CARD10: variants seen among roughly 807,000 people sequenced by gnomAD.
CARD10 encodes caspase recruitment domain family member 10.
A neutral mutation model predicts 114.6 loss-of-function variants in CARD10; 49 were observed. The observed-to-expected ratio is 0.43, with a 90% CI of 0.34 to 0.54. The LOEUF (loss-of-function observed/expected upper bound fraction) is 0.54. Among genes scored for constraint, CARD10 ranks in the 20% least tolerant of loss-of-function variants. CARD10 has a pLI of 0.03. For missense variants in CARD10, 1,206 were observed against 1,397.2 expected, an observed-to-expected ratio of 0.86 and a Z score of 2.18; for synonymous variants, 602 against 593.2, an observed-to-expected ratio of 1.01 and a Z score of -0.21.
intron 4 of CARD10, chr22:37,508,964 T>C (rs1336609337): frequency 1.3e-6 from 2 of 1,543,664 alleles, no homozygotes; most frequent in South Asian, 1.2e-5. Flanking sequence ...GGATTATTCC[T>C]AAACAAGCAC....
chr22:37,504,662 G>A lies in CARD10; in HGVS notation c.1491C>T (p.Val497=), dbSNP rs1323343803. The A allele has an allele frequency of 1.3e-6, 2 of 1,551,626 alleles. No individual in the cohort carries two copies. The highest frequency in any genetic ancestry group is 1.4e-5 in the African/African-American group (1 of 72,114). The change falls in exon 8 of 20, where the codon GTC becomes GTT. Residue 497 remains valine (V), a synonymous_variant. Transcript: ENST00000251973. ...AGTTGTGAGGCTCAGGTCCCCCCATGACAGCTGCCTCCCCAGTTGCTTCTG... is the reference window on the plus strand; with the variant it reads ...AGTTGTGAGGCTCAGGTCCCCCCATAACAGCTGCCTCCCCAGTTGCTTCTG... ...GGPEATGEAA[V]MGGPEPHNSE...
intron 3 of CARD10, among the ~76,000 whole-genome samples, chr22:37,513,846 T>C (rs1437853109): frequency 6.6e-6 from 1 of 151,994 alleles, no homozygotes; most frequent in Non-Finnish European, 1.5e-5. Flanking sequence ...ATGCCTGTAA[T>C]CCAGCACTTT....
At chr22:37,507,391 G>A (rs1004209490) in intron 6 of CARD10, among the ~76,000 whole-genome samples, 3 of 152,200 alleles carry the variant, frequency 2.0e-5, no homozygotes, top group Admixed American at 6.5e-5. Context: ...AAGGAGGCTC[G>A]GGGGCCTGGT....
In CARD10 at chr22:37,492,611, A is replaced by G; in HGVS notation, c.2635+33T>C. On this transcript the variant is annotated intron_variant, in intron 17 of 19. Transcript: ENST00000251973. The surrounding 1 kb of genome is among the most constrained non-coding windows in gnomAD (Gnocchi z 5.7). ...CATGGGCCCGGCTGCCCAGAGGGGCACCCAGCCTCCCCTCCCCGGCACATA... is the reference window on the plus strand; with the variant it reads ...CATGGGCCCGGCTGCCCAGAGGGGCGCCCAGCCTCCCCTCCCCGGCACATA... 6.2e-7 allele frequency: 1 copy of G among 1,610,050 alleles called. No individual in the cohort carries two copies.
At position 37,504,222 on chromosome 22, in the gene CARD10, C is replaced by A. The variant is rs760556080; in HGVS notation, c.1598G>T (p.Arg533Leu). The change falls in exon 9 of 20, where the codon CGC (arginine) becomes CTC (leucine). Residue 533 changes from arginine (R) to leucine (L), a missense_variant. Physicochemically the swap from Arg to Leu is moderately radical, Grantham distance 102. This residue lies in a region of CARD10 where 1,068 missense variants were observed against 1,179.1 expected (regional missense o/e 0.91). Transcript: ENST00000251973. ...PFPPSAGSIL[R>L]RQREEDPAPP... ...TGCGGGGTCTTCCTCACGCTGCCGGCGGAGGATGGAGCCGGCACTGGGGGG... is the reference window on the plus strand; with the variant it reads ...TGCGGGGTCTTCCTCACGCTGCCGGAGGAGGATGGAGCCGGCACTGGGGGG... The A allele has an allele frequency of 2.5e-6, 4 of 1,574,894 alleles. No individual in the cohort carries two copies. Among genetic ancestry groups the A allele is most frequent in the Admixed American group, 1.8e-5 (1 of 54,590 alleles).
chr22:37,513,390 A>T (rs1190344496), intron 3 of CARD10, among the ~76,000 whole-genome samples: 1 of 152,156 alleles, frequency 6.6e-6, no homozygotes, highest in Admixed American at 6.5e-5. Context: ...GATTACAGGC[A>T]TGAGCCACTG....
At position 37,516,107 on chromosome 22, in the gene CARD10, G is replaced by A. The variant is rs374447215; in HGVS notation, c.565C>T (p.Arg189Trp). The A allele has an allele frequency of 2.2e-5, 35 of 1,595,332 alleles. No individual in the cohort carries two copies. The highest frequency in any genetic ancestry group is 7.9e-5 in the South Asian group (7 of 88,614). Residue 189 changes from arginine to tryptophan, a missense_variant, in exon 3 of 20, where the codon CGG (arginine) becomes TGG (tryptophan). Arg to Trp is a moderately radical substitution (Grantham distance 101). Transcript: ENST00000251973. Reference sequence around the variant, plus strand: ...AGGCTGCCCGCCTCCCAGTCCTCCCGCAGCCGTTGACAGCGCTCCTGAGCC... The same window carrying A: ...AGGCTGCCCGCCTCCCAGTCCTCCCACAGCCGTTGACAGCGCTCCTGAGCC... ...QQAQERCQRLREDWEAGSLEL... is the reference protein window; with the variant it reads ...QQAQERCQRLWEDWEAGSLEL...
In CARD10 at chr22:37,519,189, C is replaced by T; in HGVS notation, c.12G>A (p.Arg4=). Residue 4 remains arginine (R), a synonymous_variant, in exon 1 of 20, where the codon CGG becomes CGA. Coordinates refer to ENST00000251973, the MANE Select transcript of CARD10 (RefSeq NM_014550.4). The surrounding 1 kb of genome is among the most constrained non-coding windows in gnomAD (Gnocchi z 4.1). Reference sequence around the variant, plus strand: ...CCTCCTCGGCCTCCCCCGCCTCCGCCCGGCCCGGCATGGCCGTGTCCTCAG... The same window carrying T: ...CCTCCTCGGCCTCCCCCGCCTCCGCTCGGCCCGGCATGGCCGTGTCCTCAG... MPG[R]AEAGEAEEEA... 6.5e-7 allele frequency: 1 copy of T among 1,530,962 alleles called. No homozygotes were observed. The highest frequency in any genetic ancestry group is 8.7e-7 in the Non-Finnish European group (1 of 1,144,360). 94.8% of individuals were successfully genotyped at this position (1,530,962 alleles called of 1,614,324 possible).
rs749571651 is a variant in CARD10, at chr22:37,491,416, C to T, written c.2865-23G>A. 4.3e-4 allele frequency: 612 copies of T among 1,439,188 alleles called. 1 individual carries two copies. The highest frequency in any genetic ancestry group is 5.4e-4 in the Non-Finnish European group (591 of 1,091,694). The allele number at this position is 1,439,188 out of a possible 1,614,324, so 89.2% of individuals were successfully genotyped here. On this transcript the variant is annotated intron_variant, in intron 19 of 19. Coordinates refer to ENST00000251973, the MANE Select transcript of CARD10 (RefSeq NM_014550.4). ...CCCCTGCCGAGAGAAGAGTGAGCAGCGGTCAAAGTGGGGGACCAAGACAGA... is the reference window on the plus strand; with the variant it reads ...CCCCTGCCGAGAGAAGAGTGAGCAGTGGTCAAAGTGGGGGACCAAGACAGA...
chr22:37,507,479 C>CA (rs374373555), intron 6 of CARD10, among the ~76,000 whole-genome samples: 196 of 152,288 alleles, frequency 1.3e-3, no homozygotes, highest in African/African-American at 4.5e-3. Context: ...GACTGAAAGC[C>CA]AAAACTTTTG....
At chr22:37,495,282 T>G (rs1922956691) in intron 15 of CARD10, among the ~76,000 whole-genome samples, 1 of 152,254 alleles carries the variant, frequency 6.6e-6, no homozygotes, top group East Asian at 1.9e-4. Flanking sequence ...ATGCTTATTA[T>G]GTACCAGGGG....
intron 2 of CARD10, 150 bp downstream of exon 2, chr22:37,517,821 G>A (rs1262771945): frequency 4.1e-6 from 4 of 984,150 alleles, no homozygotes; most frequent in Non-Finnish European, 5.7e-6. Flanking sequence ...AGCCTACCGT[G>A]GGGCCCTGGG....
At chr22:37,507,786 G>A in intron 6 of CARD10, 43 bp downstream of exon 6, 2 of 1,612,012 alleles carry the variant, frequency 1.2e-6, no homozygotes, top group Non-Finnish European at 1.7e-6. Flanking sequence ...CATATGGGAA[G>A]CAGCAACTGG....
chr22:37,503,385 T>G (rs1167979466), intron 9 of CARD10, among the ~76,000 whole-genome samples, 172 bp from the exon 10 acceptor site: 6 of 152,158 alleles, frequency 3.9e-5, no homozygotes, highest in Admixed American at 2.0e-4. Context: ...CTGGCTCCCC[T>G]AAACTCCCAG....
chr22:37,498,393 T>C (rs1040889376), intron 11 of CARD10, among the ~76,000 whole-genome samples: 3 of 152,126 alleles, frequency 2.0e-5, no homozygotes, highest in Admixed American at 6.5e-5. Flanking sequence ...CAGAGACAAA[T>C]GGACCCCAAG....
intron 4 of CARD10, chr22:37,509,271 T>C (rs1923527604): frequency 1.1e-5 from 9 of 787,010 alleles, no homozygotes; most frequent in Non-Finnish European, 1.7e-5. Context: ...AAGCAAGCCC[T>C]AGGGCCCCCA....
At chr22:37,513,722 AG>A (rs1483277916) in intron 3 of CARD10, among the ~76,000 whole-genome samples, 3 of 152,106 alleles carry the variant, frequency 2.0e-5, no homozygotes, top group Non-Finnish European at 4.4e-5. Context: ...TTCAGAAAAA[AG>A]GGGAAGCCCT....
rs1340949360 is a variant in CARD10 at position 37,494,131 on chromosome 22, G to C, written c.2431C>G (p.Pro811Ala). The change falls in exon 16 of 20, where the codon CCT becomes GCT. Residue 811 changes from proline (P) to alanine (A), a missense_variant. Pro to Ala is a conservative substitution (Grantham distance 27). This residue lies in a region of CARD10 where 1,068 missense variants were observed against 1,179.1 expected (regional missense o/e 0.91). Coordinates refer to ENST00000251973, the MANE Select transcript of CARD10 (RefSeq NM_014550.4). ...RLVRPKPVGA[P>A]AGDSPDQLLL... ...AGCTGATCCGGGGAGTCCCCTGCAG[G>C]CGCCCCCACGGGCTTGGGCCTCACC... The C allele has an allele frequency of 1.3e-6, 2 of 1,559,990 alleles. No individual in the cohort carries two copies. The highest frequency in any genetic ancestry group is 1.7e-6 in the Non-Finnish European group (2 of 1,152,410).
intron 2 of CARD10, among the ~76,000 whole-genome samples, chr22:37,517,357 G>A (rs1923875186): frequency 6.6e-6 from 1 of 152,208 alleles, no homozygotes; most frequent in African/African-American, 2.4e-5. Flanking sequence ...AAAAAATTCA[G>A]CTAGGCGCAG....
Sources: gnomAD v4.1 joint callset for allele counts (sites outside exome capture counted in the v4.1 genomes callset) on GRCh38, gnomAD v4.1.1 for gene constraint, gnomAD v4.1.1 regional missense constraint, Gnocchi (gnomAD v3.1) non-coding constraint, MANE v1.5 for transcripts, NCBI Gene and HGNC (gene_info 2026-07-23, HGNC 2026-07-21) for gene names.